STIM1: variants seen among roughly 807,000 people sequenced by gnomAD.
STIM1 encodes the protein stromal interaction molecule 1.
In STIM1, 25 loss-of-function variants were observed where a neutral mutation model predicts 74.7. That is an observed-to-expected ratio of 0.33 (90% CI 0.24 to 0.47). The LOEUF (loss-of-function observed/expected upper bound fraction) is 0.47, where lower values mean the gene tolerates loss of function less well. Ranked by LOEUF, STIM1 falls within the 20% of genes least tolerant of loss-of-function variation. STIM1 has a pLI of 1.00. For synonymous variants in STIM1, 328 were observed against 348.8 expected (o/e 0.94, Z 0.66); for missense variants, 728 against 920.8 (o/e 0.79, Z 2.71).
chr11:3,888,543 T>A (rs1251472461), intron 1 of STIM1, among the ~76,000 whole-genome samples: 2 of 152,154 alleles, frequency 1.3e-5, no homozygotes, highest in Non-Finnish European at 2.9e-5. Context: ...ATAGTCTTTT[T>A]TTTTGAATTT....
intron 2 of STIM1, among the ~76,000 whole-genome samples, chr11:3,987,871 T>C (rs1463560778): frequency 6.6e-6 from 1 of 151,780 alleles, no homozygotes; most frequent in African/African-American, 2.4e-5. Context: ...GTATTGCTCA[T>C]TGATGCATAA....
At chr11:4,047,183 A>G (rs753025030) in intron 3 of STIM1, among the ~76,000 whole-genome samples, 4 of 152,188 alleles carry the variant, frequency 2.6e-5, no homozygotes, top group African/African-American at 9.7e-5. Flanking sequence ...TTTTCTGCCT[A>G]TTAAAGGGAA....
chr11:4,085,431 C>G (rs1045959727), intron 11 of STIM1, among the ~76,000 whole-genome samples: 4 of 152,232 alleles, frequency 2.6e-5, no homozygotes, highest in Non-Finnish European at 5.9e-5. Context: ...TCCTAAGTTA[C>G]TTGGTGCCCA....
chr11:4,014,265 G>C (rs2093872960), intron 2 of STIM1, among the ~76,000 whole-genome samples: 1 of 152,144 alleles, frequency 6.6e-6, no homozygotes, highest in South Asian at 2.1e-4. Context: ...GTTCTCATTG[G>C]TTTCAAAGAA....
chr11:3,944,154 A>G (rs1358028865), intron 1 of STIM1, among the ~76,000 whole-genome samples: 1 of 152,252 alleles, frequency 6.6e-6, no homozygotes. Context: ...GTTTAGAGGA[A>G]GGGGCCTTAG....
intron 1 of STIM1, among the ~76,000 whole-genome samples, chr11:3,952,107 T>G (rs915065998): frequency 1.3e-5 from 2 of 152,084 alleles, no homozygotes; most frequent in African/African-American, 4.8e-5. Flanking sequence ...CTCTCTTTGC[T>G]ATTGTTGGGA....
At chr11:4,037,889 T>C (rs2094116832) in intron 3 of STIM1, among the ~76,000 whole-genome samples, 1 of 152,180 alleles carries the variant, frequency 6.6e-6, no homozygotes, top group Non-Finnish European at 1.5e-5. Flanking sequence ...GTTCTTTAAT[T>C]CCTTTTCCTA....
intron 2 of STIM1, among the ~76,000 whole-genome samples, chr11:3,975,086 T>C (rs2093433801): frequency 1.3e-5 from 2 of 152,188 alleles, no homozygotes; most frequent in Admixed American, 1.3e-4. Flanking sequence ...ATCCCTGCTT[T>C]TAGGGAGCTT....
chr11:3,856,631 AT>A (rs951856490), intron 1 of STIM1, among the ~76,000 whole-genome samples: 1 of 152,044 alleles, frequency 6.6e-6, no homozygotes, highest in Admixed American at 6.6e-5. Context: ...CGCACTCAGG[AT>A]TTTTTTTGTT....
intron 2 of STIM1, chr11:3,973,189 T>C: frequency 2.3e-6 from 1 of 435,000 alleles, no homozygotes; most frequent in Non-Finnish European, 4.5e-6. Flanking sequence ...TGCTACCAGA[T>C]CACCACCAGC....
chr11:3,866,838 G>GAAAGA (rs887061606), intron 1 of STIM1, among the ~76,000 whole-genome samples: 1 of 151,988 alleles, frequency 6.6e-6, no homozygotes, highest in Admixed American at 6.6e-5. Context: ...GGTAAAGAAA[G>GAAAGA]AAAGAAAAGA....
At chr11:3,980,876 C>T (rs1242014206) in intron 2 of STIM1, among the ~76,000 whole-genome samples, 1 of 152,134 alleles carries the variant, frequency 6.6e-6, no homozygotes. Context: ...GCAAACCTTT[C>T]CCCTTCCCCC....
intron 12 of STIM1, among the ~76,000 whole-genome samples, chr11:4,090,199 T>C (rs1317589274): frequency 6.6e-6 from 1 of 152,204 alleles, no homozygotes; most frequent in Non-Finnish European, 1.5e-5. Flanking sequence ...TTCCAAGTGC[T>C]TTGCCAGCAT....
intron 3 of STIM1, among the ~76,000 whole-genome samples, chr11:4,044,368 C>T (rs954977629): frequency 2.7e-5 from 4 of 148,610 alleles, no homozygotes; most frequent in Non-Finnish European, 6.0e-5. Flanking sequence ...CACTCTGGCC[C>T]AGGGATTCTT....
chr11:3,854,752 G>A (rs3813879), upstream of STIM1: 1 of 152,050 alleles, frequency 6.6e-6, no homozygotes, highest in Non-Finnish European at 1.5e-5. Context: ...AAAAAGGGCT[G>A]TGAGAGCTAA....
At chr11:4,067,627 C>G (rs1274069226) in intron 5 of STIM1, among the ~76,000 whole-genome samples, 1 of 152,330 alleles carries the variant, frequency 6.6e-6, no homozygotes, top group South Asian at 2.1e-4. Flanking sequence ...AAACCCAGCT[C>G]TAGCAAGTTA....
intron 3 of STIM1, among the ~76,000 whole-genome samples, chr11:4,040,059 G>A (rs1424342240): frequency 1.8e-4 from 15 of 84,402 alleles, no homozygotes; most frequent in East Asian, 1.2e-3. Flanking sequence ...GTAAGCCACC[G>A]TGCTCAGCCC....
At chr11:4,064,517 T>C (rs140757210) in intron 5 of STIM1, among the ~76,000 whole-genome samples, 1 of 152,216 alleles carries the variant, frequency 6.6e-6, no homozygotes, top group Admixed American at 6.5e-5. Context: ...GAACCTAGAC[T>C]TGTTACAGCT....
intron 3 of STIM1, among the ~76,000 whole-genome samples, chr11:4,042,453 C>G (rs910349655): frequency 9.2e-5 from 14 of 152,164 alleles, no homozygotes; most frequent in Non-Finnish European, 2.9e-5. Context: ...TCTCCCTCCA[C>G]CAAAATATAA....
Sources: gnomAD v4.1 joint callset for allele counts (sites outside exome capture counted in the v4.1 genomes callset) on GRCh38, gnomAD v4.1.1 for gene constraint, MANE v1.5 for transcripts, NCBI Gene and HGNC (gene_info 2026-07-23, HGNC 2026-07-21) for gene names.